KIRREL3: variants seen among roughly 807,000 people sequenced by gnomAD.
KIRREL3 encodes kin of IRRE-like protein 3.
KIRREL3 carries 36 observed loss-of-function variants against 89.7 expected under a neutral mutation model. That is an observed-to-expected ratio of 0.40 (90% CI 0.31 to 0.53). KIRREL3 has a LOEUF of 0.53. Ranked by LOEUF, KIRREL3 falls within the 20% of genes least tolerant of loss-of-function variation. The probability of loss-of-function intolerance (pLI) is 0.49; values close to 1 mark genes in which losing one functional copy is unlikely to be tolerated. For missense variants in KIRREL3, 864 were observed against 1,056.6 expected (o/e 0.82, Z 2.53); for synonymous variants, 445 against 441.4 (o/e 1.01, Z -0.10).
intron 1 of KIRREL3, among the ~76,000 whole-genome samples, chr11:126,863,598 CGT>C (rs533960262): frequency 2.5e-4 from 19 of 74,664 alleles, no homozygotes; most frequent in African/African-American, 5.1e-4. Context: ...TGTTTGAGTG[CGT>C]GTGTGTTTGC....
intron 3 of KIRREL3, among the ~76,000 whole-genome samples, chr11:126,524,089 G>A (rs1023371275): frequency 2.0e-5 from 3 of 152,152 alleles, no homozygotes; most frequent in Non-Finnish European, 4.4e-5. Flanking sequence ...TTCTATAGTC[G>A]AATTGCCTGG....
At chr11:126,547,964 T>C (rs922488543) in intron 2 of KIRREL3, among the ~76,000 whole-genome samples, 2 of 152,110 alleles carry the variant, frequency 1.3e-5, no homozygotes, top group African/African-American at 4.8e-5. Context: ...CTCTGTTTCT[T>C]CCTCCTCAGA....
chr11:126,880,710 T>C (rs1217052556), intron 1 of KIRREL3, among the ~76,000 whole-genome samples: 2 of 151,944 alleles, frequency 1.3e-5, no homozygotes, highest in African/African-American at 2.4e-5. Context: ...ATAACTATTA[T>C]GCAAAAGTAC....
At position 126,568,937 on chromosome 11, in the gene KIRREL3, G is replaced by A. The variant is rs1054285510; in HGVS notation, c.56-6025C>T. Among the ~76,000 whole-genome samples, 7 of 152,046 alleles carry A rather than the reference G, an allele frequency of 4.6e-5. No individual in the cohort carries two copies. Among genetic ancestry groups the A allele is most frequent in the African/African-American group, 1.4e-4 (6 of 41,410 alleles). On this transcript the variant is annotated intron_variant, in intron 1 of 16. Coordinates refer to ENST00000525144, the MANE Select transcript of KIRREL3 (RefSeq NM_032531.4). This position sits in a 1 kb window ranked among gnomAD's most constrained non-coding sequence, Gnocchi z 4.6. The stretch of plus-strand genomic sequence containing the variant: ...GGTTGCATACTTCCCAGGTTAGCAC[G>A]TAGCCAACAGTGACATGGACTGGAA...
At chr11:126,886,053 T>C (rs1465015918) in intron 1 of KIRREL3, among the ~76,000 whole-genome samples, 1 of 152,238 alleles carries the variant, frequency 6.6e-6, no homozygotes, top group Non-Finnish European at 1.5e-5. Context: ...GTCTTGACTC[T>C]TTTCCACTCT....
intron 1 of KIRREL3, among the ~76,000 whole-genome samples, chr11:126,862,991 G>A (rs952733651): frequency 5.4e-4 from 82 of 152,218 alleles, no homozygotes; most frequent in African/African-American, 1.9e-3. Flanking sequence ...TACCAGAGCT[G>A]TGAGTGACAA....
At chr11:126,751,265 C>T (rs1949326291) in intron 1 of KIRREL3, among the ~76,000 whole-genome samples, 1 of 152,228 alleles carries the variant, frequency 6.6e-6, no homozygotes, top group African/African-American at 2.4e-5. Context: ...GACAACCTTC[C>T]TGGATGCACC....
Position 126,612,993 on chromosome 11 carries a change from A to G in KIRREL3, c.56-50081T>C, listed in dbSNP as rs559693766. ...GTATGTTTTCAGTACTCTTGGGTAT[A>G]TACTTAGAAGTGGGATCACTGGGTC... On this transcript the variant is annotated intron_variant, in intron 1 of 16. Transcript: ENST00000525144. This position sits in a 1 kb window ranked among gnomAD's most constrained non-coding sequence, Gnocchi z 4.5. Among the ~76,000 whole-genome samples the G allele has an allele frequency of 3.9e-5, 6 of 152,332 alleles. No homozygotes were observed. The South Asian group carries it at 1.2e-3, about 32-fold the overall frequency.
intron 1 of KIRREL3, among the ~76,000 whole-genome samples, chr11:126,760,475 A>G (rs566212350): frequency 2.6e-5 from 4 of 152,370 alleles, no homozygotes; most frequent in Admixed American, 6.5e-5. Context: ...TTCATGGTCA[A>G]TCTTGAGCTT....
intron 1 of KIRREL3, among the ~76,000 whole-genome samples, chr11:126,998,956 TGC>T (rs1491028659): frequency 3.3e-5 from 4 of 120,690 alleles, no homozygotes; most frequent in Non-Finnish European, 7.0e-5. Flanking sequence ...TGTGTGTGTG[TGC>T]TCATAAGCAA....
rs1946322284 is a variant in KIRREL3 at position 126,900,224 on chromosome 11, CG to C, written c.55+100230del. ...AGCAAGTCACCTACTACTAGAACAT[CG>C]GCCCTTCAGTTTTGGATCACTTGAA... On this transcript the variant is annotated intron_variant, in intron 1 of 16. Transcript: ENST00000525144. This position sits in a 1 kb window ranked among gnomAD's most constrained non-coding sequence, Gnocchi z 4.4. Among the ~76,000 whole-genome samples, 1 of 152,164 alleles carries C rather than the reference CG, an allele frequency of 6.6e-6. No individual in the cohort carries two copies. Among genetic ancestry groups the C allele is most frequent in the Admixed American group, 6.5e-5 (1 of 15,276 alleles).
rs1450919539 is a variant in KIRREL3 at position 126,705,707 on chromosome 11, A to T, written c.56-142795T>A. Among the ~76,000 whole-genome samples the T allele has an allele frequency of 1.3e-5, 2 of 152,228 alleles. No homozygotes were observed. The highest frequency in any genetic ancestry group is 2.9e-5 in the Non-Finnish European group (2 of 68,048). The stretch of plus-strand genomic sequence containing the variant: ...AATGTATACCTATGTGTATGTGCAT[A>T]AATGGAAAATGCACTGTGGTAAATT... On this transcript the variant is annotated intron_variant, in intron 1 of 16. Coordinates refer to ENST00000525144, the MANE Select transcript of KIRREL3 (RefSeq NM_032531.4). The surrounding 1 kb of genome is among the most constrained non-coding windows in gnomAD (Gnocchi z 4.3).
intron 1 of KIRREL3, among the ~76,000 whole-genome samples, chr11:126,866,356 G>A (rs1210958349): frequency 6.6e-6 from 1 of 152,142 alleles, no homozygotes; most frequent in Non-Finnish European, 1.5e-5. Flanking sequence ...TCATTCCCAG[G>A]TCCTCTCACT....
At position 126,906,268 on chromosome 11, in the gene KIRREL3, C is replaced by T. The variant is rs919310955; in HGVS notation, c.55+94187G>A. 3.0e-4 allele frequency among the ~76,000 whole-genome samples: 46 copies of T among 152,282 alleles called. No homozygotes were observed. Among genetic ancestry groups the T allele is most frequent in the Admixed American group, 2.3e-3 (35 of 15,304 alleles). Reference sequence around the variant, plus strand: ...TGTTCAAAGACATGGCTCCCAGTCTCGGAAATCCAAACCTCACGCCTTGTG... The same window carrying T: ...TGTTCAAAGACATGGCTCCCAGTCTTGGAAATCCAAACCTCACGCCTTGTG... On this transcript the variant is annotated intron_variant, in intron 1 of 16. Transcript: ENST00000525144. The surrounding 1 kb of genome is among the most constrained non-coding windows in gnomAD (Gnocchi z 4.1).
rs532836318 is a variant in KIRREL3 at position 126,709,093 on chromosome 11, G to A, written c.56-146181C>T. Among the ~76,000 whole-genome samples, 11 of 152,342 alleles carry A rather than the reference G, an allele frequency of 7.2e-5. No individual in the cohort carries two copies. The South Asian group carries it at 1.7e-3, about 23-fold the overall frequency. ...TTCTGATCAACAGAGAAGGAGAGGAGAGCCTACACTGTGCTGGGTCACTGT... is the reference window on the plus strand; with the variant it reads ...TTCTGATCAACAGAGAAGGAGAGGAAAGCCTACACTGTGCTGGGTCACTGT... On this transcript the variant is annotated intron_variant, in intron 1 of 16. Coordinates refer to ENST00000525144, the MANE Select transcript of KIRREL3 (RefSeq NM_032531.4). The surrounding 1 kb of genome is among the most constrained non-coding windows in gnomAD (Gnocchi z 4.0).
In KIRREL3 at chr11:126,453,674, C is replaced by T. The variant is rs76754916; in HGVS notation, c.848+2675G>A. 6.3e-3 allele frequency among the ~76,000 whole-genome samples: 957 copies of T among 152,296 alleles called. 20 individuals are homozygous for T. The highest frequency in any genetic ancestry group is 0.039 in the East Asian group (199 of 5,158). Reference sequence around the variant, plus strand: ...TGCAGGCGCCCACCACCTCCCCTCTCCGTGGCCCCTCCGCCTCCTCCCTTC... The same window carrying T: ...TGCAGGCGCCCACCACCTCCCCTCTTCGTGGCCCCTCCGCCTCCTCCCTTC... On this transcript the variant is annotated intron_variant, in intron 7 of 16. Transcript: ENST00000525144.
In KIRREL3 at chr11:126,752,607, A is replaced by G. The variant is rs1949369848; in HGVS notation, c.56-189695T>C. On this transcript the variant is annotated intron_variant, in intron 1 of 16. Coordinates refer to ENST00000525144, the MANE Select transcript of KIRREL3 (RefSeq NM_032531.4). The surrounding 1 kb of genome is among the most constrained non-coding windows in gnomAD (Gnocchi z 4.8). Reference sequence around the variant, plus strand: ...CTAAGAATCTATAGTTTAGTGACTCATTGGCACTCTAATGACTACTATTCC... The same window carrying G: ...CTAAGAATCTATAGTTTAGTGACTCGTTGGCACTCTAATGACTACTATTCC... 6.6e-6 allele frequency among the ~76,000 whole-genome samples: 1 copy of G among 152,178 alleles called. No individual in the cohort carries two copies. Among genetic ancestry groups the G allele is most frequent in the Non-Finnish European group, 1.5e-5 (1 of 68,032 alleles).
At position 126,906,806 on chromosome 11, in the gene KIRREL3, C is replaced by T. The variant is rs61907907; in HGVS notation, c.55+93649G>A. 6.6e-6 allele frequency among the ~76,000 whole-genome samples: 1 copy of T among 152,236 alleles called. No homozygotes were observed. The highest frequency in any genetic ancestry group is 2.4e-5 in the African/African-American group (1 of 41,464). On this transcript the variant is annotated intron_variant, in intron 1 of 16. Coordinates refer to ENST00000525144, the MANE Select transcript of KIRREL3 (RefSeq NM_032531.4). This position sits in a 1 kb window ranked among gnomAD's most constrained non-coding sequence, Gnocchi z 4.1. Reference sequence around the variant, plus strand: ...TGCCTGTGGCTTCTTCCTGGGACGTCTGCTCTGCCTCCTGAAAGGATGGCT... The same window carrying T: ...TGCCTGTGGCTTCTTCCTGGGACGTTTGCTCTGCCTCCTGAAAGGATGGCT...
chr11:126,998,116 T>C (rs755435546), intron 1 of KIRREL3, among the ~76,000 whole-genome samples: 47 of 152,128 alleles, frequency 3.1e-4, no homozygotes, highest in Non-Finnish European at 6.6e-4. Flanking sequence ...AATAAGTTGA[T>C]GAATGCATGA....
Sources: allele counts gnomAD v4.1 joint callset (sites outside exome capture counted in the v4.1 genomes callset), GRCh38; gene constraint gnomAD v4.1.1; non-coding constraint Gnocchi (gnomAD v3.1); transcripts MANE v1.5; gene names NCBI Gene and HGNC (gene_info 2026-07-23, HGNC 2026-07-21).